The following COPS3 variants were observed in gnomAD, a reference collection of about 807,000 sequenced individuals.
COPS3 encodes the protein COP9 signalosome complex subunit 3.
COPS3 carries 10 observed loss-of-function variants against 58.2 expected under a neutral mutation model. The ratio of observed to expected loss-of-function variants is 0.17; its 90% CI spans 0.11 to 0.29. COPS3 has a LOEUF of 0.29. COPS3 is among the 10% of genes least tolerant of loss of function. The pLI is 1.00. For synonymous variants in COPS3, 187 were observed against 181.7 expected (o/e 1.03, Z -0.24); for missense variants, 333 against 510.1 (o/e 0.65, Z 3.34).
chr17:17,267,032 T>C (rs1313372418), intron 5 of COPS3, among the ~76,000 whole-genome samples: 1 of 150,034 alleles, frequency 6.7e-6, no homozygotes, highest in Non-Finnish European at 1.5e-5. Context: ...AAAAAAATGA[T>C]TCGGGATTTT....
At chr17:17,268,675 C>T (rs537341711) in intron 4 of COPS3, among the ~76,000 whole-genome samples, 2 of 151,842 alleles carry the variant, frequency 1.3e-5, no homozygotes, top group South Asian at 2.1e-4. Flanking sequence ...AAAAATTAGC[C>T]GGGCATGGTG....
At chr17:17,249,682 G>A (rs1450639885) in intron 9 of COPS3, among the ~76,000 whole-genome samples, 1 of 152,144 alleles carries the variant, frequency 6.6e-6, no homozygotes, top group African/African-American at 2.4e-5. Flanking sequence ...AGTAGAGACA[G>A]GGTTTCTCCA....
At chr17:17,276,393 G>A (rs904634609) in intron 1 of COPS3, among the ~76,000 whole-genome samples, 9 of 151,716 alleles carry the variant, frequency 5.9e-5, no homozygotes, top group Non-Finnish European at 4.4e-5. Context: ...GACCCTGAAT[G>A]TTTCACCTTT....
chr17:17,259,236 T>G (rs2048041828), intron 8 of COPS3, among the ~76,000 whole-genome samples: 2 of 152,188 alleles, frequency 1.3e-5, no homozygotes, highest in Non-Finnish European at 2.9e-5. Flanking sequence ...CAGGAACAGA[T>G]GCACTGTGTT....
chr17:17,257,509 T>C lies in COPS3; in HGVS notation c.937-2564A>G, dbSNP rs149062224. 2.4e-3 allele frequency among the ~76,000 whole-genome samples: 358 copies of C among 151,442 alleles called. 1 individual carries two copies. The highest frequency in any genetic ancestry group is 0.017 in the Middle Eastern group (5 of 294). On this transcript the variant is annotated intron_variant, in intron 8 of 11. Transcript: ENST00000268717. Reference sequence around the variant, plus strand: ...CAGAGAAGAGGAACCTAGAAAAACATCTACTAGGCCGGGCGTGGTGGCTCA... The same window carrying C: ...CAGAGAAGAGGAACCTAGAAAAACACCTACTAGGCCGGGCGTGGTGGCTCA...
intron 9 of COPS3, among the ~76,000 whole-genome samples, chr17:17,250,588 G>A (rs2047821859): frequency 6.6e-6 from 1 of 152,086 alleles, no homozygotes; most frequent in Non-Finnish European, 1.5e-5. Flanking sequence ...TAGATTCAAG[G>A]TCTATATATT....
rs765942661 is a variant in COPS3 at position 17,264,788 on chromosome 17, T to C, written c.621+14A>G. 14 of 1,592,662 alleles carry C rather than the reference T, an allele frequency of 8.8e-6. No homozygotes were observed. In the Admixed American group the frequency reaches 1.5e-4, roughly 17 times the overall value. The stretch of plus-strand genomic sequence containing the variant: ...AAGTTCAGAACAACCTCAGCTAATT[T>C]TTAGAGAGATTACCTGTTCATAAAA... On this transcript the variant is annotated intron_variant, in intron 6 of 11. Transcript: ENST00000268717.
chr17:17,280,687 C>T, intron 1 of COPS3: 1 of 1,287,122 alleles, frequency 7.8e-7, no homozygotes, highest in Non-Finnish European at 1.0e-6. Context: ...CCAAGACACC[C>T]AGAACGGACT....
At chr17:17,277,163 T>C (rs1196508115) in intron 1 of COPS3, among the ~76,000 whole-genome samples, 2 of 152,148 alleles carry the variant, frequency 1.3e-5, no homozygotes, top group African/African-American at 4.8e-5. Flanking sequence ...CTGAGCCTCA[T>C]CCAGCATTCA....
At chr17:17,272,761 G>A (rs1474691211) in intron 2 of COPS3, among the ~76,000 whole-genome samples, 1 of 152,206 alleles carries the variant, frequency 6.6e-6, no homozygotes, top group African/African-American at 2.4e-5. Context: ...TATTAGCTGG[G>A]TGTAGTGGTA....
intron 1 of COPS3, among the ~76,000 whole-genome samples, chr17:17,277,226 C>T (rs1384492565): frequency 6.6e-6 from 1 of 152,176 alleles, no homozygotes; most frequent in East Asian, 1.9e-4. Context: ...TTCCCCATGG[C>T]TAAGCTGGGT....
intron 9 of COPS3, among the ~76,000 whole-genome samples, chr17:17,249,351 A>G (rs1379225271): frequency 1.3e-5 from 2 of 152,072 alleles, no homozygotes; most frequent in South Asian, 2.1e-4. Flanking sequence ...TTTGAGATGG[A>G]GTCTCGCTGT....
intron 2 of COPS3, among the ~76,000 whole-genome samples, chr17:17,274,323 A>G (rs1478489947): frequency 2.4e-4 from 37 of 152,222 alleles, no homozygotes; most frequent in Non-Finnish European, 1.5e-5. Flanking sequence ...TGATAATTAC[A>G]AAGTGTAAAT....
At chr17:17,249,811 A>G (rs2047801979) in intron 9 of COPS3, among the ~76,000 whole-genome samples, 1 of 152,166 alleles carries the variant, frequency 6.6e-6, no homozygotes, top group Non-Finnish European at 1.5e-5. Context: ...TATTTTTAAT[A>G]AACACGGGGT....
At chr17:17,255,789 G>A (rs975151268) in intron 8 of COPS3, among the ~76,000 whole-genome samples, 64 of 151,196 alleles carry the variant, frequency 4.2e-4, no homozygotes, top group African/African-American at 1.5e-3. Flanking sequence ...GCAGCAAGCC[G>A]AGATCGCGTG....
At chr17:17,268,432 T>C (rs1258559794) in intron 4 of COPS3, among the ~76,000 whole-genome samples, 3 of 152,160 alleles carry the variant, frequency 2.0e-5, no homozygotes, top group African/African-American at 4.8e-5. Context: ...ACTAACACCA[T>C]AGATTTCAAA....
chr17:17,278,634 A>ATTAC (rs972364478), intron 1 of COPS3, among the ~76,000 whole-genome samples: 20 of 152,286 alleles, frequency 1.3e-4, no homozygotes, highest in African/African-American at 4.8e-4. Context: ...TTTGTAAACC[A>ATTAC]TTACTCTAAA....
In COPS3 at chr17:17,270,926, C is replaced by T. The variant is rs1567859892; in HGVS notation, c.268G>A (p.Gly90Arg). ...QVQLFISTCN[G>R]EHIRYATDTF... ...TCTGTTGCATATCGAATGTGCTCCC[C>T]ATTACAAGTGCTGATGAAGAGCTGA... The change falls in exon 3 of 12, where the codon GGG (glycine) becomes AGG (arginine). Residue 90 changes from glycine to arginine, a missense_variant. Coordinates refer to ENST00000268717, the MANE Select transcript of COPS3 (RefSeq NM_003653.4). 1 of 1,613,846 alleles carries T rather than the reference C, an allele frequency of 6.2e-7. No individual in the cohort carries two copies.
At chr17:17,271,102 C>T (rs1466652678) in intron 2 of COPS3, 94 bp from the exon 3 acceptor site, 4 of 865,010 alleles carry the variant, frequency 4.6e-6, no homozygotes, top group Non-Finnish European at 7.6e-6. Context: ...GCCTCCAATA[C>T]TCTGTAAAAT....
Sources: gnomAD v4.1 joint callset for allele counts (sites outside exome capture counted in the v4.1 genomes callset) on GRCh38, gnomAD v4.1.1 for gene constraint, MANE v1.5 for transcripts, NCBI Gene and HGNC (gene_info 2026-07-23, HGNC 2026-07-21) for gene names.